SORBS2: variants seen among roughly 807,000 people sequenced by gnomAD.
SORBS2 encodes sorbin and SH3 domain containing 2.
SORBS2 carries 46 observed loss-of-function variants against 97.7 expected under a neutral mutation model. That is an observed-to-expected ratio of 0.47 (90% CI 0.37 to 0.60). SORBS2 has a LOEUF of 0.60. Among genes scored for constraint, SORBS2 ranks in the 20% least tolerant of loss-of-function variants. SORBS2 has a pLI of 0.00. For missense variants in SORBS2, 1,316 were observed against 1,282.3 expected (o/e 1.03, Z -0.40); for synonymous variants, 476 against 473.4 (o/e 1.01, Z -0.07).
At chr4:185,673,621 C>T (rs989408658) in intron 4 of SORBS2, among the ~76,000 whole-genome samples, 1 of 152,180 alleles carries the variant, frequency 6.6e-6, no homozygotes, top group African/African-American at 2.4e-5. Context: ...TCAAACCTCC[C>T]AGCAGTTCTA....
intron 14 of SORBS2, chr4:185,587,895 A>G (rs1456561180): frequency 9.6e-6 from 5 of 518,178 alleles, no homozygotes; most frequent in South Asian, 2.5e-5. Flanking sequence ...CCCCTCCGGC[A>G]TAAATGCTGC....
intron 1 of SORBS2, among the ~76,000 whole-genome samples, chr4:185,792,521 G>A (rs1032464660): frequency 1.3e-5 from 2 of 151,174 alleles, no homozygotes; most frequent in African/African-American, 4.9e-5. Context: ...AGAAAGAAGA[G>A]AGAGAGAGGG....
At chr4:185,765,143 A>C (rs1050348447) in intron 2 of SORBS2, among the ~76,000 whole-genome samples, 6 of 152,158 alleles carry the variant, frequency 3.9e-5, no homozygotes, top group Non-Finnish European at 8.8e-5. Flanking sequence ...GCCTTCAATA[A>C]ATAAATGAAG....
At chr4:185,688,495 TA>T (rs1196301527) in intron 2 of SORBS2, among the ~76,000 whole-genome samples, 19 of 135,936 alleles carry the variant, frequency 1.4e-4, no homozygotes, top group African/African-American at 5.7e-4. Flanking sequence ...TGTCTATTGA[TA>T]GATAGATAAA....
chr4:185,793,127 G>A (rs535328769), intron 1 of SORBS2, among the ~76,000 whole-genome samples: 2 of 152,240 alleles, frequency 1.3e-5, no homozygotes, highest in Admixed American at 6.5e-5. Context: ...CCTGCAGATC[G>A]CAAAGCTCCA....
intron 2 of SORBS2, among the ~76,000 whole-genome samples, chr4:185,707,613 A>G (rs1017101909): frequency 4.0e-5 from 6 of 151,700 alleles, no homozygotes; most frequent in African/African-American, 1.5e-4. Context: ...TGGTAGTTGT[A>G]TTTGTTTGTT....
intron 2 of SORBS2, among the ~76,000 whole-genome samples, chr4:185,686,266 C>T (rs4394044): frequency 0.59 from 89,323 of 151,812 alleles, 26,265 homozygotes; most frequent in East Asian, 0.67. Flanking sequence ...TAAAGATGCT[C>T]GGAAGTATAA....
chr4:185,640,144 C>T (rs907558881), intron 4 of SORBS2, among the ~76,000 whole-genome samples: 42 of 152,180 alleles, frequency 2.8e-4, no homozygotes, highest in African/African-American at 9.1e-4. Flanking sequence ...TTTGAGGCAT[C>T]GTGACAAAAT....
chr4:185,629,127 A>G (rs115862355), intron 5 of SORBS2, among the ~76,000 whole-genome samples: 1 of 152,198 alleles, frequency 6.6e-6, no homozygotes, highest in Non-Finnish European at 1.5e-5. Flanking sequence ...CAAATGGTAA[A>G]GTGAATACAT....
At chr4:185,831,650 G>T (rs189805197) in intron 1 of SORBS2, among the ~76,000 whole-genome samples, 1 of 152,130 alleles carries the variant, frequency 6.6e-6, no homozygotes, top group Non-Finnish European at 1.5e-5. Context: ...TTATTATGCC[G>T]CAGGTATGTG....
chr4:185,770,164 C>T (rs185549509), intron 2 of SORBS2, among the ~76,000 whole-genome samples: 101 of 151,930 alleles, frequency 6.6e-4, no homozygotes, highest in Middle Eastern at 6.8e-3. Context: ...CTGCAACCTC[C>T]GCCTCCCAGT....
At chr4:185,592,203 T>G (rs970728000) in intron 13 of SORBS2, 8 of 152,640 alleles carry the variant, frequency 5.2e-5, no homozygotes, top group Non-Finnish European at 1.2e-4. Context: ...TCACTAAAAC[T>G]CTGAATTGTA....
intron 1 of SORBS2, among the ~76,000 whole-genome samples, chr4:185,803,857 C>T (rs1030440852): frequency 1.3e-5 from 2 of 152,036 alleles, no homozygotes; most frequent in Non-Finnish European, 2.9e-5. Context: ...GAGTTACTGC[C>T]CTAAGACAGC....
chr4:185,680,094 A>G (rs540764463), intron 2 of SORBS2, among the ~76,000 whole-genome samples: 19 of 152,358 alleles, frequency 1.2e-4, no homozygotes, highest in African/African-American at 4.3e-4. Flanking sequence ...TAAAATGGGT[A>G]CCATAGAGAA....
chr4:185,718,188 G>C (rs80210472), intron 2 of SORBS2, among the ~76,000 whole-genome samples: 1 of 151,766 alleles, frequency 6.6e-6, no homozygotes, highest in African/African-American at 2.4e-5. Flanking sequence ...CCAAGATCGC[G>C]CCATTGCACT....
At chr4:185,643,538 G>A (rs2097161296) in intron 4 of SORBS2, among the ~76,000 whole-genome samples, 1 of 152,166 alleles carries the variant, frequency 6.6e-6, no homozygotes, top group East Asian at 1.9e-4. Flanking sequence ...GTGGAGACTA[G>A]ACTGGAGAGG....
chr4:185,920,666 A>G (rs1335670943), intron 1 of SORBS2, among the ~76,000 whole-genome samples: 2 of 152,208 alleles, frequency 1.3e-5, no homozygotes, highest in African/African-American at 4.8e-5. Flanking sequence ...CAACTCTAAA[A>G]AAGTTTACCA....
chr4:185,626,323 C>CA (rs1395485856), intron 6 of SORBS2, among the ~76,000 whole-genome samples: 1 of 152,272 alleles, frequency 6.6e-6, no homozygotes, highest in Middle Eastern at 3.4e-3. Flanking sequence ...GAAGGTGGCC[C>CA]AAAATATACA....
At chr4:185,939,576 C>T (rs949637885) in intron 1 of SORBS2, among the ~76,000 whole-genome samples, 1 of 152,100 alleles carries the variant, frequency 6.6e-6, no homozygotes, top group African/African-American at 2.4e-5. Context: ...GATGGCGCGA[C>T]CTCGGCTCAC....
Sources: gnomAD v4.1 joint callset for allele counts (sites outside exome capture counted in the v4.1 genomes callset) on GRCh38, gnomAD v4.1.1 for gene constraint, MANE v1.5 for transcripts, NCBI Gene and HGNC (gene_info 2026-07-23, HGNC 2026-07-21) for gene names.